The following CLPB variants were observed in gnomAD, a reference collection of about 807,000 sequenced individuals.
CLPB encodes the protein mitochondrial disaggregase.
CLPB carries 40 observed loss-of-function variants against 78.4 expected under a neutral mutation model. That is an observed-to-expected ratio of 0.51 (90% CI 0.40 to 0.66). The LOEUF is 0.66. Ranked by LOEUF, CLPB falls within the 30% of genes least tolerant of loss-of-function variation. The probability of loss-of-function intolerance (pLI) is 0.00; values close to 1 mark genes in which losing one functional copy is unlikely to be tolerated. For synonymous variants in CLPB, 333 were observed against 348.0 expected (o/e 0.96, Z 0.48); for missense variants, 780 against 886.9 (o/e 0.88, Z 1.53).
chr11:72,295,418 C>G, intron 12 of CLPB, 74 bp downstream of exon 12: 1 of 1,549,780 alleles, frequency 6.5e-7, no homozygotes, highest in South Asian at 1.2e-5. Flanking sequence ...CCCAGGGCCC[C>G]AATCCCATCC....
At chr11:72,339,388 G>T (rs999009262) in intron 5 of CLPB, among the ~76,000 whole-genome samples, 4 of 152,164 alleles carry the variant, frequency 2.6e-5, no homozygotes, top group African/African-American at 9.7e-5. Context: ...ATGTTAAATT[G>T]GGATTAGATT....
chr11:72,333,138 G>A (rs1386813240), intron 5 of CLPB, among the ~76,000 whole-genome samples: 1 of 152,196 alleles, frequency 6.6e-6, no homozygotes, highest in African/African-American at 2.4e-5. Context: ...GCTTGAACTA[G>A]GAGTAAAAAC....
intron 3 of CLPB, among the ~76,000 whole-genome samples, chr11:72,385,177 A>G (rs1176621110): frequency 3.9e-5 from 6 of 152,198 alleles, no homozygotes; most frequent in Non-Finnish European, 8.8e-5. Context: ...ACTACTGTTT[A>G]TAGATTGGCA....
chr11:72,313,292 G>A (rs909909786), intron 7 of CLPB, among the ~76,000 whole-genome samples: 1 of 152,196 alleles, frequency 6.6e-6, no homozygotes, highest in Non-Finnish European at 1.5e-5. Context: ...CTCGACAGGT[G>A]CCTACTGAGT....
At chr11:72,294,858 C>T (rs1949522176) in intron 12 of CLPB, among the ~76,000 whole-genome samples, 165 bp from the exon 13 acceptor site, 1 of 152,200 alleles carries the variant, frequency 6.6e-6, no homozygotes, top group Non-Finnish European at 1.5e-5. Flanking sequence ...CCTCCTCTGA[C>T]CAGGCACTTT....
intron 6 of CLPB, among the ~76,000 whole-genome samples, chr11:72,323,097 T>C (rs920811480): frequency 8.5e-4 from 129 of 152,304 alleles, no homozygotes; most frequent in African/African-American, 3.0e-3. Context: ...AAACAGAAAC[T>C]TTCTATCTGT....
intron 2 of CLPB, among the ~76,000 whole-genome samples, chr11:72,415,194 G>A (rs1270552478): frequency 1.3e-5 from 2 of 152,008 alleles, no homozygotes; most frequent in African/African-American, 2.4e-5. Flanking sequence ...CCAGCCTGGC[G>A]ACAGAGTGAG....
At chr11:72,357,604 G>A (rs2135606411) in intron 5 of CLPB, among the ~76,000 whole-genome samples, 2 of 149,844 alleles carry the variant, frequency 1.3e-5, no homozygotes, top group South Asian at 4.3e-4. Flanking sequence ...GCTGAGGTAG[G>A]AGAATTGCTT....
intron 3 of CLPB, among the ~76,000 whole-genome samples, chr11:72,395,510 A>G (rs1480104262): frequency 6.6e-6 from 1 of 152,224 alleles, no homozygotes; most frequent in Non-Finnish European, 1.5e-5. Context: ...GTAAAATAGG[A>G]ATAATAATCC....
intron 2 of CLPB, among the ~76,000 whole-genome samples, chr11:72,415,793 G>A (rs1422852596): frequency 6.6e-6 from 1 of 152,118 alleles, no homozygotes; most frequent in African/African-American, 2.4e-5. Flanking sequence ...TGCAAGGTCG[G>A]GCCATATTAA....
At chr11:72,424,622 G>A (rs551359339) in intron 2 of CLPB, among the ~76,000 whole-genome samples, 6 of 152,176 alleles carry the variant, frequency 3.9e-5, no homozygotes, top group East Asian at 1.9e-4. Context: ...TACCCTGGGC[G>A]TGGTGGCTCA....
chr11:72,294,300 C>T, intron 14 of CLPB, 25 bp downstream of exon 14: 2 of 1,614,226 alleles, frequency 1.2e-6, no homozygotes, highest in Non-Finnish European at 1.7e-6. Flanking sequence ...TATCCCGCCC[C>T]CACCCATGGG....
intron 7 of CLPB, among the ~76,000 whole-genome samples, chr11:72,316,158 T>C (rs1007875539): frequency 6.6e-6 from 1 of 152,198 alleles, no homozygotes; most frequent in Non-Finnish European, 1.5e-5. Context: ...GGTAGGGCCT[T>C]CCTGGGGCAG....
intron 6 of CLPB, 43 bp downstream of exon 6, chr11:72,329,664 T>G: frequency 7.8e-7 from 1 of 1,284,056 alleles, no homozygotes; most frequent in Non-Finnish European, 1.1e-6. Context: ...GATTAAATGA[T>G]GCATGGAGTA....
At chr11:72,295,147 C>T (rs963534717) in intron 12 of CLPB, among the ~76,000 whole-genome samples, 4 of 152,192 alleles carry the variant, frequency 2.6e-5, no homozygotes, top group African/African-American at 9.7e-5. Flanking sequence ...GATCTGCTGT[C>T]CCCTTCTTGC....
rs550270906 is a variant in CLPB at position 72,301,719 on chromosome 11, C to G, written c.1329+84G>C. Reference sequence around the variant, plus strand: ...AGGAAGCCGAGGAATGACCAGCTAGCCTCTGGGCCCTTGCTTTCTGCTGTT... The same window carrying G: ...AGGAAGCCGAGGAATGACCAGCTAGGCTCTGGGCCCTTGCTTTCTGCTGTT... On this transcript the variant is annotated intron_variant, in intron 11 of 15. Transcript: ENST00000538039. 6 of 1,435,548 alleles carry G rather than the reference C, an allele frequency of 4.2e-6. No homozygotes were observed. The South Asian group carries it at 6.5e-5, about 16-fold the overall frequency. The allele number at this position is 1,435,548 out of a possible 1,614,324, so 88.9% of individuals were successfully genotyped here. A position where few individuals can be genotyped will look rare whatever the true frequency, so the allele number is the denominator to read the frequency against.
chr11:72,386,005 A>G (rs891796163), intron 3 of CLPB, among the ~76,000 whole-genome samples: 4 of 152,166 alleles, frequency 2.6e-5, no homozygotes, highest in East Asian at 1.9e-4. Context: ...ATTTACATCA[A>G]AAAGTATAAG....
intron 6 of CLPB, among the ~76,000 whole-genome samples, chr11:72,318,286 A>G (rs760640638): frequency 5.9e-5 from 9 of 152,188 alleles, no homozygotes; most frequent in African/African-American, 1.7e-4. Flanking sequence ...GGAAAGACAC[A>G]TAAGTGTGGA....
chr11:72,331,254 A>G (rs1318489985), intron 5 of CLPB, among the ~76,000 whole-genome samples: 1 of 151,654 alleles, frequency 6.6e-6, no homozygotes, highest in Non-Finnish European at 1.5e-5. Flanking sequence ...AATACAAAAC[A>G]TTAGCCGGGC....
Sources: allele counts gnomAD v4.1 joint callset (sites outside exome capture counted in the v4.1 genomes callset), GRCh38; gene constraint gnomAD v4.1.1; transcripts MANE v1.5; gene names NCBI Gene and HGNC (gene_info 2026-07-23, HGNC 2026-07-21).